CHODL: variants seen among roughly 807,000 people sequenced by gnomAD.
CHODL encodes the protein chondrolectin, also known as transmembrane protein MT75.
In CHODL, 29 loss-of-function variants were observed where a neutral mutation model predicts 34.5. The ratio of observed to expected loss-of-function variants is 0.84; its 90% CI spans 0.63 to 1.15. The LOEUF is 1.15. CHODL is among the 50% of genes most tolerant of loss of function. CHODL has a pLI of 0.00. For synonymous variants in CHODL, 125 were observed against 116.1 expected, an observed-to-expected ratio of 1.08 and a Z score of -0.49; for missense variants, 332 against 332.5, an observed-to-expected ratio of 1.00 and a Z score of 0.01.
chr21:17,947,421 A>G (rs434170), intron 1 of CHODL, among the ~76,000 whole-genome samples: 64,293 of 151,858 alleles, frequency 0.42, 13,982 homozygotes, highest in East Asian at 0.64. Context: ...CAGCAAAAGA[A>G]ATAATCAACA....
At chr21:18,125,363 A>G (rs1453748554) in intron 2 of CHODL, among the ~76,000 whole-genome samples, 3 of 152,174 alleles carry the variant, frequency 2.0e-5, no homozygotes, top group Non-Finnish European at 4.4e-5. Flanking sequence ...AAAAAAGCAA[A>G]TAGTCCTACC....
rs75640903 is a variant in CHODL, at chr21:18,088,091, G to C, written c.-45+60120G>C. 2.9e-3 allele frequency among the ~76,000 whole-genome samples: 447 copies of C among 152,248 alleles called. 7 individuals carry two copies. The East Asian group carries it at 0.041, about 14-fold the overall frequency. On this transcript the variant is annotated intron_variant, in intron 2 of 6. Transcript: ENST00000400127. ...GGGGTATGTTCACCCCCAGGATCCA[G>C]TCACCTACCAGGCCCCTCCTCCAAC...
intron 1 of CHODL, among the ~76,000 whole-genome samples, chr21:17,998,339 C>T (rs2063871590): frequency 6.6e-6 from 1 of 152,166 alleles, no homozygotes; most frequent in Non-Finnish European, 1.5e-5. Context: ...CTTTCATGGG[C>T]TGGCATTTAG....
intron 2 of CHODL, among the ~76,000 whole-genome samples, chr21:18,192,921 C>CT (rs2073528042): frequency 6.6e-6 from 1 of 152,006 alleles, no homozygotes; most frequent in Admixed American, 6.5e-5. Context: ...AGCTCTACTA[C>CT]TTTTTTAAAA....
chr21:18,245,141 C>A lies in CHODL; in HGVS notation c.-83C>A. 8.2e-7 allele frequency: 1 copy of A among 1,216,410 alleles called. No individual in the cohort carries two copies. Among genetic ancestry groups the A allele is most frequent in the Non-Finnish European group, 1.1e-6 (1 of 899,710 alleles). The allele number at this position is 1,216,410 out of a possible 1,614,324, so 75.4% of individuals were successfully genotyped here. On this transcript the variant is annotated 5_prime_UTR_variant, in exon 1 of 6. The change creates a new upstream start codon in the 5' untranslated region. Transcript: ENST00000299295. ...AGGGCCCGGCAGGGAGGCAGGGAGG[C>A]TGCAGAGTCAGAGTCGCGGGCTGCG...
rs543468072 is a variant in CHODL, at chr21:17,970,255, C to T, written c.-145+52855C>T. Reference sequence around the variant, plus strand: ...TAGTAAGCCCTTTGACCACAAAACTCTATTTACATTTCTTAATCAGCTTAC... The same window carrying T: ...TAGTAAGCCCTTTGACCACAAAACTTTATTTACATTTCTTAATCAGCTTAC... On this transcript the variant is annotated intron_variant, in intron 1 of 6. Transcript: ENST00000400127. Among the ~76,000 whole-genome samples the T allele has an allele frequency of 1.8e-4, 27 of 152,246 alleles. No homozygotes were observed. The South Asian group carries it at 2.1e-3, about 12-fold the overall frequency.
chr21:18,184,353 T>C (rs1233134066), intron 2 of CHODL, among the ~76,000 whole-genome samples: 1 of 152,204 alleles, frequency 6.6e-6, no homozygotes. Context: ...GTAAATTCTT[T>C]CAGTATAATA....
At chr21:18,140,646 A>G (rs994693246) in intron 2 of CHODL, among the ~76,000 whole-genome samples, 2 of 152,188 alleles carry the variant, frequency 1.3e-5, no homozygotes, top group African/African-American at 4.8e-5. Flanking sequence ...GAGCCAGAAA[A>G]TGGGACTAAG....
At chr21:17,989,023 G>A (rs1451104910) in intron 1 of CHODL, among the ~76,000 whole-genome samples, 2 of 152,168 alleles carry the variant, frequency 1.3e-5, no homozygotes, top group African/African-American at 4.8e-5. Flanking sequence ...AATGCCAAAT[G>A]TGTCTACACA....
intron 1 of CHODL, among the ~76,000 whole-genome samples, chr21:17,932,073 C>G (rs2063277794): frequency 6.6e-6 from 1 of 152,004 alleles, no homozygotes; most frequent in Non-Finnish European, 1.5e-5. Flanking sequence ...CAACTAATAT[C>G]CAGAATCTAC....
At chr21:18,134,868 G>A (rs1043505927) in intron 2 of CHODL, among the ~76,000 whole-genome samples, 3 of 152,194 alleles carry the variant, frequency 2.0e-5, no homozygotes, top group Non-Finnish European at 4.4e-5. Flanking sequence ...TGTTACTAGA[G>A]AGAGCTATGT....
At chr21:18,244,636 AAG>A (rs1465079252), upstream of CHODL, among the ~76,000 whole-genome samples, 1 of 152,194 alleles carries the variant, frequency 6.6e-6, no homozygotes, top group Non-Finnish European at 1.5e-5. Context: ...AGCGAATGGA[AAG>A]AGGGGACAGG....
chr21:18,042,425 G>A (rs1007897681), intron 2 of CHODL, among the ~76,000 whole-genome samples: 4 of 151,874 alleles, frequency 2.6e-5, no homozygotes, highest in African/African-American at 9.7e-5. Flanking sequence ...AGGTACAATA[G>A]AATTATAGAA....
upstream of CHODL, among the ~76,000 whole-genome samples, chr21:18,243,187 A>G (rs1246277672): frequency 6.6e-6 from 1 of 152,196 alleles, no homozygotes; most frequent in Non-Finnish European, 1.5e-5. Context: ...TCATCCTTCC[A>G]TTACAGCATT....
chr21:18,187,440 T>C (rs902089748), intron 2 of CHODL, among the ~76,000 whole-genome samples: 12 of 152,152 alleles, frequency 7.9e-5, no homozygotes, highest in African/African-American at 2.9e-4. Flanking sequence ...TTTCTCTCTC[T>C]CATGACACCG....
At chr21:18,121,364 C>G (rs930581415) in intron 2 of CHODL, among the ~76,000 whole-genome samples, 1 of 152,270 alleles carries the variant, frequency 6.6e-6, no homozygotes, top group East Asian at 1.9e-4. Flanking sequence ...CATTCAAAGT[C>G]ATTCTGGGCC....
intron 2 of CHODL, among the ~76,000 whole-genome samples, chr21:18,231,726 C>T (rs2073980740): frequency 6.6e-6 from 1 of 151,896 alleles, no homozygotes; most frequent in African/African-American, 2.4e-5. Context: ...CTTTCTTTTC[C>T]GTCTGTTTGC....
At chr21:18,181,630 TC>T (rs2073383548) in intron 2 of CHODL, among the ~76,000 whole-genome samples, 1 of 152,176 alleles carries the variant, frequency 6.6e-6, no homozygotes, top group Non-Finnish European at 1.5e-5. Context: ...GACCTCGTGA[TC>T]CGACTGCCTT....
chr21:18,024,888 A>G (rs1376652803), intron 1 of CHODL: 1 of 152,220 alleles, frequency 6.6e-6, no homozygotes, highest in East Asian at 1.9e-4. Flanking sequence ...ATTTTATATT[A>G]TTAAATAGAA....
Sources: gnomAD v4.1 joint callset for allele counts (sites outside exome capture counted in the v4.1 genomes callset) on GRCh38, gnomAD v4.1.1 for gene constraint, MANE v1.5 for transcripts, NCBI Gene and HGNC (gene_info 2026-07-23, HGNC 2026-07-21) for gene names.